The following JAKMIP3 variants were observed in gnomAD, a reference collection of about 807,000 sequenced individuals.
JAKMIP3 encodes janus kinase and microtubule-interacting protein 3.
In JAKMIP3, 58 loss-of-function variants were observed where a neutral mutation model predicts 118.5. The observed-to-expected ratio is 0.49, with a 90% CI of 0.40 to 0.61. JAKMIP3 has a LOEUF of 0.61. Ranked by LOEUF, JAKMIP3 falls within the 20% of genes least tolerant of loss-of-function variation. JAKMIP3 has a pLI of 0.00. For synonymous variants in JAKMIP3, 486 were observed against 451.2 expected, an observed-to-expected ratio of 1.08 and a Z score of -0.98; for missense variants, 950 against 1,109.0, an observed-to-expected ratio of 0.86 and a Z score of 2.04.
At chr10:132,151,203 C>G (rs567372674) in intron 16 of JAKMIP3, among the ~76,000 whole-genome samples, 1 of 152,122 alleles carries the variant, frequency 6.6e-6, no homozygotes, top group Non-Finnish European at 1.5e-5. Context: ...TCTATGCATC[C>G]TCCATCATTC....
chr10:132,147,737 T>G (rs1186548788), intron 13 of JAKMIP3, among the ~76,000 whole-genome samples: 3 of 152,252 alleles, frequency 2.0e-5, no homozygotes, highest in Non-Finnish European at 4.4e-5. Flanking sequence ...TATGCGGTGC[T>G]GCCTGCCCAG....
intron 23 of JAKMIP3, among the ~76,000 whole-genome samples, chr10:132,172,988 T>TCC (rs1310512749): frequency 2.9e-4 from 21 of 71,882 alleles, no homozygotes; most frequent in Admixed American, 4.6e-4. Context: ...TCCCTCTCTC[T>TCC]CTCTCTCCTT....
intron 23 of JAKMIP3, among the ~76,000 whole-genome samples, chr10:132,174,852 T>A (rs752155390): frequency 2.5e-4 from 38 of 152,230 alleles, no homozygotes; most frequent in African/African-American, 9.2e-4. Context: ...ATCTTGCTAC[T>A]GACTAATGAT....
intron 21 of JAKMIP3, among the ~76,000 whole-genome samples, chr10:132,165,675 G>A (rs968728560): frequency 5.9e-5 from 9 of 152,182 alleles, no homozygotes; most frequent in African/African-American, 2.2e-4. Context: ...AGGAGAGACC[G>A]GGTCCCTCTG....
chr10:132,156,956 C>T (rs1172796074), intron 19 of JAKMIP3, among the ~76,000 whole-genome samples: 2 of 152,100 alleles, frequency 1.3e-5, no homozygotes, highest in Non-Finnish European at 2.9e-5. Context: ...AAGTTCACTA[C>T]GTGCCCAGCA....
chr10:132,107,127 T>C (rs1049014725), intron 2 of JAKMIP3, among the ~76,000 whole-genome samples: 3 of 151,748 alleles, frequency 2.0e-5, no homozygotes, highest in African/African-American at 7.3e-5. Flanking sequence ...ACTCCTGGAC[T>C]CAAGCAATCT....
rs751418194 is a variant in JAKMIP3 at position 132,168,123 on chromosome 10, G to A, written c.*193G>A. ...GGGGCGTGGAGCTGCCGTCCACGTG[G>A]GATGTGCCAGAACTAGAACTGGCTC... On this transcript the variant is annotated 3_prime_UTR_variant, in exon 23 of 24. Coordinates refer to ENST00000684848, the MANE Select transcript of JAKMIP3 (RefSeq NM_001323087.2). 11 of 1,288,344 alleles carry A rather than the reference G, an allele frequency of 8.5e-6. No individual in the cohort carries two copies. The highest frequency in any genetic ancestry group is 1.1e-5 in the Non-Finnish European group (11 of 988,048). 79.8% of individuals were successfully genotyped at this position (1,288,344 alleles called of 1,614,324 possible).
At chr10:132,042,110 C>T (rs1485466098) in intron 1 of JAKMIP3, among the ~76,000 whole-genome samples, 2 of 152,116 alleles carry the variant, frequency 1.3e-5, no homozygotes, top group African/African-American at 2.4e-5. Context: ...AAGTGATCTG[C>T]CAGCCTCAGC....
At chr10:132,151,640 A>G (rs139961378) in intron 16 of JAKMIP3, among the ~76,000 whole-genome samples, 8 of 152,294 alleles carry the variant, frequency 5.3e-5, no homozygotes, top group African/African-American at 1.2e-4. Context: ...TGAGTCCCCA[A>G]AGGCACTGCC....
At chr10:132,152,243 G>A (rs1415139184) in intron 16 of JAKMIP3, among the ~76,000 whole-genome samples, 1 of 152,232 alleles carries the variant, frequency 6.6e-6, no homozygotes, top group African/African-American at 2.4e-5. Flanking sequence ...AGCAAGAGAT[G>A]CCTGCTGTTA....
At chr10:132,159,380 G>GCAT (rs2057579667) in intron 19 of JAKMIP3, among the ~76,000 whole-genome samples, 1 of 84,280 alleles carries the variant, frequency 1.2e-5, no homozygotes, top group Admixed American at 1.5e-4. Context: ...GGTTGGGGGG[G>GCAT]GTCTATTCCT....
intron 16 of JAKMIP3, among the ~76,000 whole-genome samples, chr10:132,152,244 C>A (rs1014607262): frequency 6.6e-6 from 1 of 152,218 alleles, no homozygotes; most frequent in African/African-American, 2.4e-5. Flanking sequence ...GCAAGAGATG[C>A]CTGCTGTTAG....
intron 23 of JAKMIP3, among the ~76,000 whole-genome samples, chr10:132,171,495 G>T (rs1221748175): frequency 2.6e-5 from 4 of 152,204 alleles, no homozygotes; most frequent in Non-Finnish European, 4.4e-5. Context: ...ACGTTACTGT[G>T]CTGTCCCAGT....
chr10:132,103,450 CAGCTGGGG>C (rs2045379900), intron 1 of JAKMIP3, among the ~76,000 whole-genome samples: 19 of 23,156 alleles, frequency 8.2e-4, no homozygotes, highest in African/African-American at 6.0e-3. Flanking sequence ...GGGAGAGGAG[CAGCTGGGG>C]GGGGGAGGAG....
intron 22 of JAKMIP3, among the ~76,000 whole-genome samples, chr10:132,167,557 G>A (rs914955215): frequency 6.6e-6 from 1 of 152,154 alleles, no homozygotes; most frequent in African/African-American, 2.4e-5. Context: ...ACAGGTCATG[G>A]CTGCTGCTAC....
At chr10:132,145,058 G>C in intron 11 of JAKMIP3, 49 bp from the exon 12 acceptor site, 1 of 1,518,058 alleles carries the variant, frequency 6.6e-7, no homozygotes, top group South Asian at 1.2e-5. Flanking sequence ...TGTGCTGTCT[G>C]TCCCAGCTTT....
intron 23 of JAKMIP3, among the ~76,000 whole-genome samples, chr10:132,176,334 G>T (rs562620156): frequency 1.3e-5 from 2 of 152,322 alleles, no homozygotes; most frequent in African/African-American, 4.8e-5. Flanking sequence ...GGCAGCTCCT[G>T]CCTGGTCCCC....
chr10:132,039,764 T>G (rs1187124897), intron 1 of JAKMIP3, among the ~76,000 whole-genome samples: 4 of 152,168 alleles, frequency 2.6e-5, no homozygotes, highest in Admixed American at 6.5e-5. Context: ...ATTTCTGGCC[T>G]CCTCTCTCGG....
chr10:132,115,208 T>C (rs113443711), intron 2 of JAKMIP3, among the ~76,000 whole-genome samples: 3,399 of 98,974 alleles, frequency 0.034, 134 homozygotes, highest in African/African-American at 0.15. Flanking sequence ...CGATCGCGGC[T>C]AGGGGTCACC....
Sources: allele counts gnomAD v4.1 joint callset (sites outside exome capture counted in the v4.1 genomes callset), GRCh38; gene constraint gnomAD v4.1.1; transcripts MANE v1.5; gene names NCBI Gene and HGNC (gene_info 2026-07-23, HGNC 2026-07-21).